NCAM1: variants seen among roughly 807,000 people sequenced by gnomAD.
The protein encoded by NCAM1 is antigen recognized by monoclonal antibody 5.1H11.
NCAM1 carries 14 observed loss-of-function variants against 109.8 expected under a neutral mutation model. The observed-to-expected ratio is 0.13, with a 90% CI of 0.08 to 0.20. NCAM1 has a LOEUF of 0.20. Ranked by LOEUF, NCAM1 falls within the 10% of genes least tolerant of loss-of-function variation. The probability of loss-of-function intolerance (pLI) is 1.00; values close to 1 mark genes in which losing one functional copy is unlikely to be tolerated. For missense variants in NCAM1, 774 were observed against 1,109.9 expected, an observed-to-expected ratio of 0.70 and a Z score of 4.30; for synonymous variants, 418 against 442.9, an observed-to-expected ratio of 0.94 and a Z score of 0.70.
intron 17 of NCAM1, among the ~76,000 whole-genome samples, chr11:113,262,282 C>T (rs1358244524): frequency 6.6e-6 from 1 of 152,170 alleles, no homozygotes; most frequent in African/African-American, 2.4e-5. Flanking sequence ...CAAGGCCATC[C>T]CCAATCCCTA....
chr11:113,072,494 A>G (rs191975343), intron 1 of NCAM1, among the ~76,000 whole-genome samples: 302 of 152,152 alleles, frequency 2.0e-3, no homozygotes, highest in South Asian at 9.4e-3. Context: ...TAGAGAGAGA[A>G]AAAAAAAGCC....
In NCAM1 at chr11:113,205,575, A is replaced by G; in HGVS notation, c.399A>G (p.Glu133=). ...APTPQEFREG[E]DAVIVCDVVS... ...CCCCACAGGAGTTCCGGGAGGGGGAAGATGCCGTGATTGTGTGTGATGTGG... is the reference window on the plus strand; with the variant it reads ...CCCCACAGGAGTTCCGGGAGGGGGAGGATGCCGTGATTGTGTGTGATGTGG... Residue 133 remains glutamate (E), a synonymous_variant, in exon 4 of 20, where the codon GAA becomes GAG. Coordinates refer to ENST00000316851, the MANE Select transcript of NCAM1 (RefSeq NM_181351.5). 1.9e-6 allele frequency: 3 copies of G among 1,613,662 alleles called. No homozygotes were observed. The highest frequency in any genetic ancestry group is 1.7e-6 in the Non-Finnish European group (2 of 1,179,698).
Position 113,055,121 on chromosome 11 carries a change from C to T in NCAM1, c.52+93457C>T, listed in dbSNP as rs549411336. ...TGTTTTACTATACTTCCTTGACTTG[C>T]CTTATTTCCATAAATTTTGCTTTCT... On this transcript the variant is annotated intron_variant, in intron 1 of 19. Transcript: ENST00000316851. Among the ~76,000 whole-genome samples the T allele has an allele frequency of 3.9e-5, 6 of 152,252 alleles. No homozygotes were observed. The South Asian group carries it at 1.0e-3, about 26-fold the overall frequency.
At chr11:113,237,929 GATATATAGATATATATATAGATAT>G (rs1491082947) in intron 14 of NCAM1, among the ~76,000 whole-genome samples, 233 of 18,426 alleles carry the variant, frequency 0.013, 3 homozygotes, top group African/African-American at 0.024. Context: ...TATAGATATA[GATATATAGATATATATATAGATAT>G]ATAGATAGAT....
intron 1 of NCAM1, among the ~76,000 whole-genome samples, chr11:113,038,649 A>G (rs1952971344): frequency 6.6e-6 from 1 of 152,216 alleles, no homozygotes; most frequent in South Asian, 2.1e-4. Flanking sequence ...GGTGCTGTGG[A>G]GGGCTTGGGC....
intron 1 of NCAM1, among the ~76,000 whole-genome samples, chr11:113,079,459 G>A (rs1403121746): frequency 1.3e-5 from 2 of 152,154 alleles, no homozygotes; most frequent in South Asian, 2.1e-4. Context: ...AAAGGAACTG[G>A]GTATGTCCCA....
chr11:113,246,424 A>G (rs1945505754), intron 15 of NCAM1, 54 bp downstream of exon 15: 1 of 720,382 alleles, frequency 1.4e-6, no homozygotes, highest in Non-Finnish European at 2.5e-6. Flanking sequence ...AGCCTGGCAC[A>G]TAGGGCACAC....
intron 1 of NCAM1, among the ~76,000 whole-genome samples, chr11:113,179,182 GGA>G (rs1451461538): frequency 1.3e-5 from 2 of 152,320 alleles, no homozygotes; most frequent in African/African-American, 4.8e-5. Flanking sequence ...CCACTGGGCA[GGA>G]GAGAGAGATG....
intron 2 of NCAM1, among the ~76,000 whole-genome samples, chr11:113,203,181 G>A (rs1390250016): frequency 6.6e-6 from 1 of 152,218 alleles, no homozygotes; most frequent in Non-Finnish European, 1.5e-5. Flanking sequence ...AGCTGAGCTA[G>A]GTGTAAATGG....
At chr11:113,213,616 C>A (rs1229313746) in intron 7 of NCAM1, among the ~76,000 whole-genome samples, 1 of 152,166 alleles carries the variant, frequency 6.6e-6, no homozygotes, top group Non-Finnish European at 1.5e-5. Flanking sequence ...GTTCTTCTCA[C>A]CCCTCCTTGC....
At chr11:112,986,718 C>T (rs1223986867) in intron 1 of NCAM1, among the ~76,000 whole-genome samples, 2 of 151,826 alleles carry the variant, frequency 1.3e-5, no homozygotes, top group African/African-American at 4.8e-5. Flanking sequence ...CTCTTATGAT[C>T]CTTTGTACTT....
intron 1 of NCAM1, among the ~76,000 whole-genome samples, chr11:113,074,387 T>G (rs1938434246): frequency 6.6e-6 from 1 of 152,130 alleles, no homozygotes; most frequent in Non-Finnish European, 1.5e-5. Context: ...ATTTATTCAG[T>G]GGTGTGTTTT....
At chr11:113,186,591 T>C (rs1002391451) in intron 1 of NCAM1, among the ~76,000 whole-genome samples, 7 of 152,234 alleles carry the variant, frequency 4.6e-5, no homozygotes, top group Admixed American at 1.3e-4. Flanking sequence ...TGGAGAACAC[T>C]TGGTCAGATT....
intron 16 of NCAM1, among the ~76,000 whole-genome samples, chr11:113,259,153 G>A (rs1314848948): frequency 1.3e-4 from 19 of 148,840 alleles, no homozygotes; most frequent in South Asian, 4.3e-4. Context: ...CCGGGTTCAC[G>A]CCATTCTCCT....
At chr11:113,073,388 T>G (rs1254807473) in intron 1 of NCAM1, among the ~76,000 whole-genome samples, 1 of 152,198 alleles carries the variant, frequency 6.6e-6, no homozygotes, top group Non-Finnish European at 1.5e-5. Context: ...AAGAGAGAGC[T>G]ATGTGTAGAA....
At chr11:112,977,679 CA>C (rs1951041725) in intron 1 of NCAM1, among the ~76,000 whole-genome samples, 1 of 151,768 alleles carries the variant, frequency 6.6e-6, no homozygotes, top group Non-Finnish European at 1.5e-5. Flanking sequence ...AAAATACTGG[CA>C]AATTAGAGCT....
At chr11:112,997,633 C>A (rs782460404) in intron 1 of NCAM1, among the ~76,000 whole-genome samples, 4 of 152,112 alleles carry the variant, frequency 2.6e-5, no homozygotes, top group Non-Finnish European at 5.9e-5. Flanking sequence ...ATGTAGCCCC[C>A]TCCTCTCTTT....
At chr11:113,270,438 T>C (rs782738477) in intron 18 of NCAM1, 43 bp downstream of exon 18, 1 of 1,584,906 alleles carries the variant, frequency 6.3e-7, no homozygotes, top group Non-Finnish European at 8.7e-7. Context: ...TGGGCTCTGC[T>C]CCAGCCCAGG....
chr11:113,220,285 T>C (rs1172217479), intron 8 of NCAM1, among the ~76,000 whole-genome samples: 1 of 152,200 alleles, frequency 6.6e-6, no homozygotes, highest in Admixed American at 6.5e-5. Flanking sequence ...AATGCCATGT[T>C]TGATGGAGAT....
Sources: allele counts gnomAD v4.1 joint callset (sites outside exome capture counted in the v4.1 genomes callset), GRCh38; gene constraint gnomAD v4.1.1; transcripts MANE v1.5; gene names NCBI Gene and HGNC (gene_info 2026-07-23, HGNC 2026-07-21).